The following RIOK1 variants were observed in gnomAD, a reference collection of about 807,000 sequenced individuals.
The protein encoded by RIOK1 is serine/threonine-protein kinase RIO1.
In RIOK1, 66 loss-of-function variants were observed where a neutral mutation model predicts 73.5. The ratio of observed to expected loss-of-function variants is 0.90; its 90% CI spans 0.74 to 1.10. The LOEUF is 1.10. Among genes scored for constraint, RIOK1 ranks in the 50% least tolerant of loss-of-function variants. The pLI, the probability that RIOK1 is intolerant of heterozygous loss-of-function variation, is 0.00. For synonymous variants in RIOK1, 224 were observed against 226.8 expected, an observed-to-expected ratio of 0.99 and a Z score of 0.11; for missense variants, 658 against 699.8, an observed-to-expected ratio of 0.94 and a Z score of 0.67.
At position 7,405,232 on chromosome 6, in the gene RIOK1, GT is replaced by G. The variant is rs1561878481; in HGVS notation, c.1097-12del. On this transcript the variant is annotated splice_polypyrimidine_tract_variant and intron_variant, in intron 11 of 16. Coordinates refer to ENST00000379834, the MANE Select transcript of RIOK1 (RefSeq NM_031480.3). ...TTTCCTCATAAAAGCTGTCATTAAC[GT>G]TTTTCCTTCTGACAGATTTCTTTAT... is the stretch of plus-strand genomic sequence containing the variant. The G allele has an allele frequency of 6.5e-7, 1 of 1,536,684 alleles. No homozygotes were observed. Among genetic ancestry groups the G allele is most frequent in the African/African-American group, 1.4e-5 (1 of 73,324 alleles).
chr6:7,413,990 A>G (rs375923616), intron 15 of RIOK1, among the ~76,000 whole-genome samples: 34 of 152,324 alleles, frequency 2.2e-4, no homozygotes, highest in African/African-American at 7.5e-4. Flanking sequence ...TCTGTTGTTG[A>G]TCTAGGTCAC....
intron 12 of RIOK1, among the ~76,000 whole-genome samples, chr6:7,409,497 C>T (rs1341713058): frequency 2.0e-5 from 3 of 152,014 alleles, no homozygotes; most frequent in Admixed American, 1.3e-4. Flanking sequence ...CATGATCCAG[C>T]CGCCTCAGCC....
At chr6:7,395,887 C>T (rs1053327871) in intron 3 of RIOK1, among the ~76,000 whole-genome samples, 3 of 151,992 alleles carry the variant, frequency 2.0e-5, no homozygotes, top group African/African-American at 7.2e-5. Context: ...TTTTTATTTT[C>T]TGTAGAGACG....
At chr6:7,409,764 C>T (rs115571766) in intron 12 of RIOK1, among the ~76,000 whole-genome samples, 3,943 of 149,638 alleles carry the variant, frequency 0.026, 91 homozygotes, top group Non-Finnish European at 0.041. Context: ...GCCACTGTGC[C>T]TGGGTCAGCA....
chr6:7,408,820 C>T (rs1188388589), intron 12 of RIOK1, among the ~76,000 whole-genome samples: 1 of 148,404 alleles, frequency 6.7e-6, no homozygotes, highest in Non-Finnish European at 1.5e-5. Flanking sequence ...TTCCTGGGTT[C>T]AAGCGATTCT....
chr6:7,417,434 GCAAA>G lies in RIOK1; in HGVS notation c.1701_1704del (p.Lys568ArgfsTer21). 1.3e-6 allele frequency: 2 copies of G among 1,537,716 alleles called. No individual in the cohort carries two copies. The highest frequency in any genetic ancestry group is 1.8e-6 in the Non-Finnish European group (2 of 1,140,238). ...GAGAAGACAGCCAAGACGAAAAAAG[GCAAA>G]TAGAATGAGAACCATATTATGTACA... is the stretch of plus-strand genomic sequence containing the variant. On this transcript the variant is annotated frameshift_variant, in exon 17 of 17. Coordinates refer to ENST00000379834, the MANE Select transcript of RIOK1 (RefSeq NM_031480.3). LOFTEE classifies it high-confidence loss of function.
chr6:7,396,749 G>C lies in RIOK1; in HGVS notation c.414G>C (p.Lys138Asn). 1 of 1,598,954 alleles carries C rather than the reference G, an allele frequency of 6.3e-7. No individual in the cohort carries two copies. The highest frequency in any genetic ancestry group is 8.6e-7 in the Non-Finnish European group (1 of 1,167,614). The change falls in exon 4 of 17, where the codon AAG becomes AAC. Residue 138 changes from lysine to asparagine, a missense_variant. Physicochemically the swap from Lys to Asn is moderately conservative, Grantham distance 94. Coordinates refer to ENST00000379834, the MANE Select transcript of RIOK1 (RefSeq NM_031480.3). ...CCGTCATAAATAAAGTCACCGAAAA[G>C]TCTAGACAAAAGGAAGCAGATATGT... is the stretch of plus-strand genomic sequence containing the variant. Reference protein sequence around the residue: ...TDSVINKVTEKSRQKEADMYR... With the variant: ...TDSVINKVTENSRQKEADMYR...
In RIOK1 at chr6:7,405,235, T is replaced by C. The variant is rs1275554085; in HGVS notation, c.1097-14T>C. 4 of 1,557,194 alleles carry C rather than the reference T, an allele frequency of 2.6e-6. No homozygotes were observed. The highest frequency in any genetic ancestry group is 1.7e-5 in the Admixed American group (1 of 58,826). Reference sequence around the variant, plus strand: ...CCTCATAAAAGCTGTCATTAACGTTTTTCCTTCTGACAGATTTCTTTATGA... The same window carrying C: ...CCTCATAAAAGCTGTCATTAACGTTCTTCCTTCTGACAGATTTCTTTATGA... On this transcript the variant is annotated splice_polypyrimidine_tract_variant and intron_variant, in intron 11 of 16. Transcript: ENST00000379834.
At chr6:7,410,006 CCGACTGCTCAG>C (rs1561880726) in intron 12 of RIOK1, among the ~76,000 whole-genome samples, 8 of 152,178 alleles carry the variant, frequency 5.3e-5, no homozygotes, top group Non-Finnish European at 1.0e-4. Flanking sequence ...ATTCCCTTCG[CCGACTGCTCAG>C]GATTTAAGGA....
In RIOK1 at chr6:7,414,324, C is replaced by T. The variant is rs758839877; in HGVS notation, c.1530C>T (p.Asp510=). ...GAAGCTCTGAGTGCTCTGACACAGA[C>T]TCTGAAGAGCAGGGAGACCATGCCC... The part of the protein sequence containing the change: ...DIGSSECSDT[D]SEEQGDHARP... Residue 510 remains aspartate, a synonymous_variant, in exon 16 of 17, where the codon GAC becomes GAT. Coordinates refer to ENST00000379834, the MANE Select transcript of RIOK1 (RefSeq NM_031480.3). 35 of 1,613,830 alleles carry T rather than the reference C, an allele frequency of 2.2e-5. No homozygotes were observed. In the South Asian group the frequency reaches 3.8e-4, roughly 18 times the overall value.
intron 1 of RIOK1, 149 bp from the exon 2 acceptor site, chr6:7,392,950 G>C (rs1761376516): frequency 7.6e-7 from 1 of 1,323,590 alleles, no homozygotes; most frequent in African/African-American, 1.5e-5. Flanking sequence ...TGGTTTTAAG[G>C]AGATGGAGCT....
intron 12 of RIOK1, among the ~76,000 whole-genome samples, chr6:7,409,950 A>G (rs1267289084): frequency 2.0e-5 from 3 of 152,200 alleles, no homozygotes. Flanking sequence ...TCTTCAGTGC[A>G]GCAGCAATAA....
chr6:7,409,995 A>G (rs1412785277), intron 12 of RIOK1, among the ~76,000 whole-genome samples: 3 of 152,162 alleles, frequency 2.0e-5, no homozygotes, highest in African/African-American at 7.2e-5. Context: ...CAGCCTTTGC[A>G]ATTCCCTTCG....
intron 5 of RIOK1, 90 bp from the exon 6 acceptor site, chr6:7,400,868 A>C: frequency 1.4e-6 from 1 of 734,724 alleles, no homozygotes; most frequent in Non-Finnish European, 2.4e-6. Flanking sequence ...CGTACAGTTA[A>C]GCTCTGCTGT....
chr6:7,397,639 A>G (rs1278389402), intron 4 of RIOK1, among the ~76,000 whole-genome samples: 3 of 152,242 alleles, frequency 2.0e-5, no homozygotes, highest in Non-Finnish European at 4.4e-5. Flanking sequence ...ATTGAACGTA[A>G]AAGCCAGCTT....
intron 16 of RIOK1, among the ~76,000 whole-genome samples, chr6:7,415,621 A>G (rs1214064773): frequency 1.3e-5 from 2 of 152,212 alleles, no homozygotes; most frequent in Non-Finnish European, 2.9e-5. Flanking sequence ...CTTCCAGTTG[A>G]TGGCACCATG....
At position 7,417,420 on chromosome 6, in the gene RIOK1, C is replaced by T. The variant is rs149650192; in HGVS notation, c.1686C>T (p.Ala562=). ...KHVKKRKEKT[A]KTKKGK ...TGAAAAAAAGAAAGGAGAAGACAGC[C>T]AAGACGAAAAAAGGCAAATAGAATG... Residue 562 remains alanine, a synonymous_variant, in exon 17 of 17, where the codon GCC becomes GCT. Transcript: ENST00000379834. 8 of 1,555,748 alleles carry T rather than the reference C, an allele frequency of 5.1e-6. No individual in the cohort carries two copies. Among genetic ancestry groups the T allele is most frequent in the Non-Finnish European group, 6.9e-6 (8 of 1,151,330 alleles).
chr6:7,393,052 G>A lies in RIOK1; in HGVS notation c.72-47G>A, dbSNP rs1327651835. The stretch of plus-strand genomic sequence containing the variant: ...TCATAAATATGTGAGATCAGTTAGG[G>A]TATGTGGAAATATTGTTATGAAATA... On this transcript the variant is annotated intron_variant, in intron 1 of 16. Transcript: ENST00000379834. 3 of 1,529,822 alleles carry A rather than the reference G, an allele frequency of 2.0e-6. No individual in the cohort carries two copies. In the South Asian group the frequency reaches 3.4e-5, roughly 17 times the overall value. The allele number at this position is 1,529,822 out of a possible 1,614,324, so 94.8% of individuals were successfully genotyped here.
At chr6:7,408,618 C>T (rs1761807222) in intron 12 of RIOK1, among the ~76,000 whole-genome samples, 1 of 152,106 alleles carries the variant, frequency 6.6e-6, no homozygotes, top group African/African-American at 2.4e-5. Flanking sequence ...TGCCAAGTAC[C>T]CAATATCTGG....
Sources: allele counts gnomAD v4.1 joint callset (sites outside exome capture counted in the v4.1 genomes callset), GRCh38; gene constraint gnomAD v4.1.1; transcripts MANE v1.5; gene names NCBI Gene and HGNC (gene_info 2026-07-23, HGNC 2026-07-21).